Variants in GMDS observed in about 807,000 individuals in gnomAD.
The protein encoded by GMDS is GDP-mannose 4,6 dehydratase.
Under a neutral mutation model 49.9 loss-of-function variants are expected in GMDS, and 20 were observed. The ratio of observed to expected loss-of-function variants is 0.40; its 90% CI spans 0.28 to 0.58. The LOEUF is 0.58. Among genes scored for constraint, GMDS ranks in the 20% least tolerant of loss-of-function variants. GMDS has a pLI of 0.42. For synonymous variants in GMDS, 177 were observed against 178.6 expected (o/e 0.99, Z 0.07); for missense variants, 362 against 481.4 (o/e 0.75, Z 2.32).
chr6:1,627,192 TTTACACTTAACTG>T (rs1762871909), intron 9 of GMDS, among the ~76,000 whole-genome samples: 1 of 152,240 alleles, frequency 6.6e-6, no homozygotes, highest in African/African-American at 2.4e-5. Context: ...CCCAGCTTGT[TTTACACTTAACTG>T]TTCCTGAAGG....
intron 4 of GMDS, among the ~76,000 whole-genome samples, chr6:2,078,612 G>C (rs1282854433): frequency 6.6e-6 from 1 of 151,934 alleles, no homozygotes; most frequent in African/African-American, 2.4e-5. Flanking sequence ...TTATTCCATT[G>C]TGTTCTGAGG....
At chr6:1,999,318 C>CT (rs1372001161) in intron 4 of GMDS, among the ~76,000 whole-genome samples, 23 of 20,370 alleles carry the variant, frequency 1.1e-3, no homozygotes, top group Admixed American at 2.5e-3. Context: ...GAGACTCTGT[C>CT]TCAAAAAAAA....
rs1767852447 is a variant in GMDS at position 1,754,317 on chromosome 6, CT to C, written c.772-11732del. Among the ~76,000 whole-genome samples, 4 of 152,170 alleles carry C rather than the reference CT, an allele frequency of 2.6e-5. No individual in the cohort carries two copies. In the South Asian group the frequency reaches 6.2e-4, roughly 24 times the overall value. ...GGATAAATTCCTGGACACATACACC[CT>C]CCCAAGACTAAACCAGGAAGAAGTC... On this transcript the variant is annotated intron_variant, in intron 7 of 10. Coordinates refer to ENST00000380815, the MANE Select transcript of GMDS (RefSeq NM_001500.4).
At chr6:2,184,804 CTCT>C in intron 1 of GMDS, among the ~76,000 whole-genome samples, 1 of 152,282 alleles carries the variant, frequency 6.6e-6, no homozygotes, top group East Asian at 1.9e-4. Context: ...CCATAAAAGT[CTCT>C]TGTTTTCTGT....
At chr6:1,894,979 T>C (rs2113847675) in intron 7 of GMDS, among the ~76,000 whole-genome samples, 1 of 152,184 alleles carries the variant, frequency 6.6e-6, no homozygotes, top group Admixed American at 6.5e-5. Flanking sequence ...CCCTTTAGGG[T>C]CTACAATTTA....
intron 7 of GMDS, among the ~76,000 whole-genome samples, chr6:1,835,131 C>T (rs536763889): frequency 3.3e-5 from 5 of 151,954 alleles, no homozygotes; most frequent in Admixed American, 6.6e-5. Flanking sequence ...ATAACACGGA[C>T]GGGAGGGGCA....
At position 1,833,323 on chromosome 6, in the gene GMDS, C is replaced by A. The variant is rs1756764540; in HGVS notation, c.772-90737G>T. 6.6e-6 allele frequency among the ~76,000 whole-genome samples: 1 copy of A among 151,678 alleles called. No individual in the cohort carries two copies. The highest frequency in any genetic ancestry group is 1.5e-5 in the Non-Finnish European group (1 of 67,912). On this transcript the variant is annotated intron_variant, in intron 7 of 10. Coordinates refer to ENST00000380815, the MANE Select transcript of GMDS (RefSeq NM_001500.4). This position sits in a 1 kb window ranked among gnomAD's most constrained non-coding sequence, Gnocchi z 4.4. Reference sequence around the variant, plus strand: ...CAACACTGGACACATCAAATGTCCTCCCTTCCTTCATATGGAAAGCTCATC... The same window carrying A: ...CAACACTGGACACATCAAATGTCCTACCTTCCTTCATATGGAAAGCTCATC...
chr6:2,077,568 A>G (rs1460548167), intron 4 of GMDS, among the ~76,000 whole-genome samples: 1 of 152,164 alleles, frequency 6.6e-6, no homozygotes, highest in Non-Finnish European at 1.5e-5. Flanking sequence ...CATTCTGCTT[A>G]CGTGATGTAT....
At chr6:2,160,467 T>A (rs1369717828) in intron 1 of GMDS, among the ~76,000 whole-genome samples, 1 of 152,260 alleles carries the variant, frequency 6.6e-6, no homozygotes, top group Non-Finnish European at 1.5e-5. Context: ...TCCAACTTTA[T>A]TAACTCTTTT....
intron 9 of GMDS, among the ~76,000 whole-genome samples, chr6:1,666,843 G>A (rs1322142293): frequency 5.9e-5 from 9 of 152,168 alleles, no homozygotes. Flanking sequence ...TCCTCTCTTT[G>A]ACAGCCTGAA....
intron 1 of GMDS, among the ~76,000 whole-genome samples, chr6:2,213,547 A>G (rs901741335): frequency 6.6e-6 from 1 of 152,356 alleles, no homozygotes; most frequent in East Asian, 1.9e-4. Flanking sequence ...CAGTTCTACT[A>G]TAGTTTGGGG....
chr6:2,185,657 T>C (rs1404893802), intron 1 of GMDS, among the ~76,000 whole-genome samples: 1 of 152,194 alleles, frequency 6.6e-6, no homozygotes, highest in Non-Finnish European at 1.5e-5. Flanking sequence ...ATGTCTCAGA[T>C]GAGCAGTTAA....
At chr6:1,706,414 G>A (rs1765736820) in intron 9 of GMDS, among the ~76,000 whole-genome samples, 1 of 152,192 alleles carries the variant, frequency 6.6e-6, no homozygotes, top group Admixed American at 6.5e-5. Context: ...CTGCCCATGT[G>A]TTCTAACCTG....
chr6:1,773,593 G>A (rs1000464779), intron 7 of GMDS, among the ~76,000 whole-genome samples: 1 of 152,200 alleles, frequency 6.6e-6, no homozygotes, highest in African/African-American at 2.4e-5. Flanking sequence ...GCCAGAGAAG[G>A]GCTCGACTGG....
At chr6:2,118,489 T>C (rs185756278) in intron 2 of GMDS, among the ~76,000 whole-genome samples, 1 of 152,226 alleles carries the variant, frequency 6.6e-6, no homozygotes, top group African/African-American at 2.4e-5. Flanking sequence ...CTCAATCATT[T>C]CTATTTCAAA....
At chr6:1,677,420 AT>A (rs904922465) in intron 9 of GMDS, among the ~76,000 whole-genome samples, 29 of 152,190 alleles carry the variant, frequency 1.9e-4, no homozygotes, top group Non-Finnish European at 2.8e-4. Flanking sequence ...TAGAAATACC[AT>A]TTGACCCAGC....
At chr6:1,835,398 C>T (rs535595689) in intron 7 of GMDS, among the ~76,000 whole-genome samples, 52 of 152,282 alleles carry the variant, frequency 3.4e-4, no homozygotes, top group African/African-American at 1.3e-3. Context: ...ATCTCACATG[C>T]TGGGAGATCA....
At chr6:2,166,231 C>T (rs1258826844) in intron 1 of GMDS, among the ~76,000 whole-genome samples, 2 of 152,156 alleles carry the variant, frequency 1.3e-5, no homozygotes, top group African/African-American at 4.8e-5. Context: ...AAAATTCACT[C>T]CTATACTGAA....
intron 4 of GMDS, among the ~76,000 whole-genome samples, chr6:2,078,848 G>T (rs541951530): frequency 1.3e-5 from 2 of 152,008 alleles, no homozygotes; most frequent in Admixed American, 1.3e-4. Context: ...TTTGTCTCAT[G>T]CTGAGAATGG....
Sources: gnomAD v4.1 joint callset for allele counts (sites outside exome capture counted in the v4.1 genomes callset) on GRCh38, gnomAD v4.1.1 for gene constraint, Gnocchi (gnomAD v3.1) non-coding constraint, MANE v1.5 for transcripts, NCBI Gene and HGNC (gene_info 2026-07-23, HGNC 2026-07-21) for gene names.